Variants in ADGRV1 observed in about 807,000 individuals in gnomAD.
The protein encoded by ADGRV1 is G-protein coupled receptor 98.
In ADGRV1, 359 loss-of-function variants were observed where a neutral mutation model predicts 596.2. The observed-to-expected ratio is 0.60, with a 90% CI of 0.55 to 0.66. ADGRV1 has a LOEUF of 0.66. Among genes scored for constraint, ADGRV1 ranks in the 30% least tolerant of loss-of-function variants. The pLI, the probability that ADGRV1 is intolerant of heterozygous loss-of-function variation, is 0.00. For missense variants in ADGRV1, 7,274 were observed against 7,575.6 expected, an observed-to-expected ratio of 0.96 and a Z score of 1.48; for synonymous variants, 2,681 against 2,679.2, an observed-to-expected ratio of 1.00 and a Z score of -0.02.
chr5:90,848,551 A>G, intron 78 of ADGRV1, 86 bp from the exon 79 acceptor site: 2 of 591,440 alleles, frequency 3.4e-6, no homozygotes, highest in South Asian at 6.5e-5. Flanking sequence ...ACTATTAATA[A>G]GGAACACACA....
chr5:90,633,204 A>C (rs898355251), intron 9 of ADGRV1, among the ~76,000 whole-genome samples: 2 of 152,190 alleles, frequency 1.3e-5, no homozygotes, highest in African/African-American at 4.8e-5. Flanking sequence ...ACAGACAAAA[A>C]AAGGCTTATA....
intron 25 of ADGRV1, chr5:90,676,688 A>T (rs1441147866): frequency 6.5e-6 from 1 of 153,756 alleles, no homozygotes; most frequent in Non-Finnish European, 1.4e-5. Context: ...GTACTAAGTC[A>T]CCAAATTACA....
rs73771155 is a variant in ADGRV1, at chr5:90,980,884, A to G, written c.17974-4460A>G. On this transcript the variant is annotated intron_variant, in intron 84 of 89. Transcript: ENST00000405460. ...GTGATTTCAAGGAAAGGAATACAACAGGTCCTCAAGTAATATCATTTCATT... is the reference window on the plus strand; with the variant it reads ...GTGATTTCAAGGAAAGGAATACAACGGGTCCTCAAGTAATATCATTTCATT... Among the ~76,000 whole-genome samples the G allele has an allele frequency of 5.2e-3, 795 of 152,346 alleles. 9 individuals are homozygous for G. The highest frequency in any genetic ancestry group is 0.018 in the African/African-American group (755 of 41,584).
rs1767190772 is a variant in ADGRV1 at position 90,642,988 on chromosome 5, G to A, written c.2500G>A (p.Gly834Arg). The change falls in exon 13 of 90, where the codon GGA becomes AGA. Residue 834 changes from glycine to arginine, a missense_variant. Gly to Arg is a moderately radical substitution (Grantham distance 125). This residue lies in a region of ADGRV1 where 1,715 missense variants were observed against 1,708.8 expected (regional missense o/e 1.00). Transcript: ENST00000405460. ...CACGGGAGTACTAGAATTTAAACCT[G>A]GAGAAAGGGAGATAGTGATCACCTT... Reference protein sequence around the residue: ...GNTGVLEFKPGEREIVITLLA... With the variant: ...GNTGVLEFKPREREIVITLLA... 6.2e-7 allele frequency: 1 copy of A among 1,613,522 alleles called. No homozygotes were observed. The highest frequency in any genetic ancestry group is 8.5e-7 in the Non-Finnish European group (1 of 1,179,538).
intron 83 of ADGRV1, among the ~76,000 whole-genome samples, chr5:90,928,891 G>C (rs1417310094): frequency 5.2e-4 from 75 of 144,474 alleles, no homozygotes; most frequent in Middle Eastern, 3.6e-3. Context: ...ATAGCCTGCC[G>C]TGTGAGGTGT....
chr5:91,093,923 C>CT (rs1447262254), intron 86 of ADGRV1, among the ~76,000 whole-genome samples: 6 of 149,752 alleles, frequency 4.0e-5, no homozygotes, highest in Non-Finnish European at 7.4e-5. Flanking sequence ...GCGATCTCTG[C>CT]TCACTGCAAC....
intron 85 of ADGRV1, among the ~76,000 whole-genome samples, chr5:91,008,127 A>T (rs1443392244): frequency 3.9e-5 from 6 of 152,196 alleles, no homozygotes; most frequent in African/African-American, 1.4e-4. Flanking sequence ...TCATAAATAA[A>T]TATTAGGTCA....
In ADGRV1 at chr5:90,815,750, T is replaced by G. The variant is rs1171274798; in HGVS notation, c.16196+14T>G. 2.3e-6 allele frequency: 3 copies of G among 1,284,692 alleles called. No homozygotes were observed. Among genetic ancestry groups the G allele is most frequent in the Non-Finnish European group, 3.3e-6 (3 of 902,088 alleles). 79.6% of individuals were successfully genotyped at this position (1,284,692 alleles called of 1,614,324 possible). ...ACAGCCAAACAGGTATGTGTATATA[T>G]AGTATATGGAAGACGTAACATTCTG... is the stretch of plus-strand genomic sequence containing the variant. On this transcript the variant is annotated intron_variant, in intron 75 of 89. Coordinates refer to ENST00000405460, the MANE Select transcript of ADGRV1 (RefSeq NM_032119.4).
At chr5:90,813,587 C>G (rs563157388) in intron 74 of ADGRV1, among the ~76,000 whole-genome samples, 1 of 152,320 alleles carries the variant, frequency 6.6e-6, no homozygotes, top group African/African-American at 2.4e-5. Context: ...ATAAGGCACA[C>G]TCATCACACA....
At chr5:90,606,012 A>C (rs796102795) in intron 1 of ADGRV1, among the ~76,000 whole-genome samples, 7 of 152,288 alleles carry the variant, frequency 4.6e-5, no homozygotes, top group African/African-American at 1.7e-4. Context: ...TAAGTCTGAG[A>C]TCTTTTATCA....
intron 3 of ADGRV1, 61 bp from the exon 4 acceptor site, chr5:90,619,025 A>C: frequency 1.3e-6 from 1 of 785,210 alleles, no homozygotes; most frequent in South Asian, 2.8e-5. Context: ...CTACAAAAAT[A>C]AATTTTTAAC....
chr5:90,750,077 T>C (rs1755074276), intron 52 of ADGRV1, among the ~76,000 whole-genome samples: 1 of 152,140 alleles, frequency 6.6e-6, no homozygotes, highest in Non-Finnish European at 1.5e-5. Flanking sequence ...GGATGGGATG[T>C]TGGAAACCAT....
chr5:91,015,070 C>T (rs1410042371), intron 85 of ADGRV1, among the ~76,000 whole-genome samples: 1 of 151,926 alleles, frequency 6.6e-6, no homozygotes, highest in Non-Finnish European at 1.5e-5. Context: ...GAGTTTCTGG[C>T]ATTTTGTATC....
At chr5:90,585,508 C>T (rs1758638055) in intron 1 of ADGRV1, among the ~76,000 whole-genome samples, 1 of 152,174 alleles carries the variant, frequency 6.6e-6, no homozygotes, top group African/African-American at 2.4e-5. Context: ...AACTGTATCA[C>T]CTCCCACAGC....
At chr5:90,927,699 G>A (rs921830380) in intron 83 of ADGRV1, among the ~76,000 whole-genome samples, 17 of 151,732 alleles carry the variant, frequency 1.1e-4, no homozygotes, top group South Asian at 6.3e-4. Context: ...GATTTTGCTC[G>A]TTAGTTGATG....
chr5:90,851,781 G>A (rs1766558372), intron 79 of ADGRV1, among the ~76,000 whole-genome samples: 1 of 152,206 alleles, frequency 6.6e-6, no homozygotes, highest in Admixed American at 6.5e-5. Context: ...TCAGCAAATA[G>A]AAGGTGTCAG....
chr5:90,791,364 A>C lies in ADGRV1; in HGVS notation c.14517+18A>C. On this transcript the variant is annotated intron_variant, in intron 70 of 89. Coordinates refer to ENST00000405460, the MANE Select transcript of ADGRV1 (RefSeq NM_032119.4). ...AGAATCAGGTTTGTGGCATTTCTTC[A>C]GTTTCCTGATCATTCCAATAAAACC... The C allele has an allele frequency of 6.6e-7, 1 of 1,510,874 alleles. No individual in the cohort carries two copies. The highest frequency in any genetic ancestry group is 1.3e-5 in the South Asian group (1 of 79,100). The allele number at this position is 1,510,874 out of a possible 1,614,324, so 93.6% of individuals were successfully genotyped here.
chr5:90,652,677 T>G, intron 19 of ADGRV1, 114 bp downstream of exon 19: 1 of 634,914 alleles, frequency 1.6e-6, no homozygotes. Flanking sequence ...GAAGTATTTG[T>G]GTCATGACTA....
intron 87 of ADGRV1, among the ~76,000 whole-genome samples, chr5:91,143,755 A>G (rs1795301199): frequency 6.6e-6 from 1 of 152,144 alleles, no homozygotes; most frequent in Admixed American, 6.5e-5. Context: ...TGGGGCCTCA[A>G]CAGGGGCCTT....
Sources: gnomAD v4.1 joint callset for allele counts (sites outside exome capture counted in the v4.1 genomes callset) on GRCh38, gnomAD v4.1.1 for gene constraint, gnomAD v4.1.1 regional missense constraint, MANE v1.5 for transcripts, NCBI Gene and HGNC (gene_info 2026-07-23, HGNC 2026-07-21) for gene names.